The following AP2A2 variants were observed in gnomAD, a reference collection of about 807,000 sequenced individuals.
AP2A2 encodes adaptor related protein complex 2 subunit alpha 2.
AP2A2 carries 32 observed loss-of-function variants against 104.2 expected under a neutral mutation model. The observed-to-expected ratio is 0.31, with a 90% confidence interval of 0.23 to 0.41. The LOEUF (loss-of-function observed/expected upper bound fraction) is 0.41. Ranked by LOEUF, AP2A2 falls within the 10% of genes least tolerant of loss-of-function variation. The pLI is 1.00. For synonymous variants in AP2A2, 539 were observed against 533.3 expected, an observed-to-expected ratio of 1.01 and a Z score of -0.15; for missense variants, 912 against 1,261.0, an observed-to-expected ratio of 0.72 and a Z score of 4.19.
In AP2A2 at chr11:992,999, G is replaced by A. The variant is rs1855712922; in HGVS notation, c.1453-285G>A. On this transcript the variant is annotated intron_variant, in intron 11 of 21. Transcript: ENST00000448903. The surrounding 1 kb of genome is among the most constrained non-coding windows in gnomAD (Gnocchi z 6.4). ...GTCCGTCGGAGAGGGTTAGGCCACC[G>A]GCAAGGGGTGTGCCATGAGGACGCT... is the stretch of plus-strand genomic sequence containing the variant. Among the ~76,000 whole-genome samples, 1 of 152,204 alleles carries A rather than the reference G, an allele frequency of 6.6e-6. No individual in the cohort carries two copies. The highest frequency in any genetic ancestry group is 2.4e-5 in the African/African-American group (1 of 41,444).
Position 992,738 on chromosome 11 carries a change from T to G in AP2A2, c.1452+53T>G. Reference sequence around the variant, plus strand: ...TGGGGTGGAGGGCAGTTGCAGAAGGTGAGCAGTGAGTGGTTCCAGCCTGCC... The same window carrying G: ...TGGGGTGGAGGGCAGTTGCAGAAGGGGAGCAGTGAGTGGTTCCAGCCTGCC... On this transcript the variant is annotated intron_variant, in intron 11 of 21. Transcript: ENST00000448903. The surrounding 1 kb of genome is among the most constrained non-coding windows in gnomAD (Gnocchi z 6.4). 8 of 1,602,220 alleles carry G rather than the reference T, an allele frequency of 5.0e-6. No homozygotes were observed. The highest frequency in any genetic ancestry group is 6.8e-6 in the Non-Finnish European group (8 of 1,171,484).
rs1214578445 is a variant in AP2A2, at chr11:1,011,331, C to T, written c.*706C>T. The T allele has an allele frequency of 3.9e-6, 2 of 518,536 alleles. No individual in the cohort carries two copies. Among genetic ancestry groups the T allele is most frequent in the Non-Finnish European group, 7.7e-6 (2 of 259,742 alleles). 32.1% of individuals were successfully genotyped at this position (518,536 alleles called of 1,614,324 possible). ...GGGGAGGAGCGTCCTGCCGGCCCCGCAGGGCCCCCAGGACTCCAGGGTAAA... is the reference window on the plus strand; with the variant it reads ...GGGGAGGAGCGTCCTGCCGGCCCCGTAGGGCCCCCAGGACTCCAGGGTAAA... On this transcript the variant is annotated 3_prime_UTR_variant, in exon 22 of 22. Coordinates refer to ENST00000448903, the MANE Select transcript of AP2A2 (RefSeq NM_012305.4).
At chr11:974,695 A>AG (rs1363203796) in intron 4 of AP2A2, among the ~76,000 whole-genome samples, 2 of 144,584 alleles carry the variant, frequency 1.4e-5, no homozygotes, top group African/African-American at 5.0e-5. Flanking sequence ...AAAAAAAAAA[A>AG]AAAAAAGAAA....
intron 3 of AP2A2, among the ~76,000 whole-genome samples, chr11:971,701 C>G (rs1260173595): frequency 6.6e-6 from 1 of 152,184 alleles, no homozygotes; most frequent in East Asian, 1.9e-4. Context: ...AGTGAAGGTT[C>G]CTGCCCATCT....
chr11:973,338 A>G (rs115421887), intron 4 of AP2A2, among the ~76,000 whole-genome samples: 4,143 of 152,290 alleles, frequency 0.027, 197 homozygotes, highest in African/African-American at 0.092. Context: ...GATGCTCCAC[A>G]ACAGAGAATG....
chr11:1,007,611 G>A (rs970195914), intron 17 of AP2A2: 1 of 273,032 alleles, frequency 3.7e-6, no homozygotes, highest in South Asian at 3.6e-5. Flanking sequence ...TCCCAGCAGG[G>A]CAGGCTCTTT....
chr11:1,007,642 G>A (rs960195201), intron 17 of AP2A2: 1 of 306,046 alleles, frequency 3.3e-6, no homozygotes, highest in Non-Finnish European at 6.2e-6. Flanking sequence ...GCTGTTTCAG[G>A]AGCCTGCTAT....
At chr11:1,010,144 GTGGCTCTCCCAGCTGTTCCTCTC>G in intron 21 of AP2A2, 1 of 470,100 alleles carries the variant, frequency 2.1e-6, no homozygotes, top group Non-Finnish European at 3.8e-6. Context: ...GCCCTGGGCG[GTGGCTCTCCCAGCTGTTCCTCTC>G]TGTCACCGCG....
rs1386213250 is a variant in AP2A2, at chr11:993,808, C to T, written c.1605C>T (p.Pro535=). 2 of 1,607,512 alleles carry T rather than the reference C, an allele frequency of 1.2e-6. No individual in the cohort carries two copies. Among genetic ancestry groups the T allele is most frequent in the African/African-American group, 1.3e-5 (1 of 74,902 alleles). Residue 535 remains proline (P), a synonymous_variant, in exon 13 of 22, where the codon CCC becomes CCT. Coordinates refer to ENST00000448903, the MANE Select transcript of AP2A2 (RefSeq NM_012305.4). The surrounding 1 kb of genome is among the most constrained non-coding windows in gnomAD (Gnocchi z 8.2). The stretch of plus-strand genomic sequence containing the variant: ...CCAAGTTCCACCTGTGCAGCGTCCC[C>T]ACCCGCGCGCTGCTCCTGTCCACCT... ...LHSKFHLCSV[P]TRALLLSTYI...
chr11:986,665 G>A, intron 8 of AP2A2, 120 bp from the exon 9 acceptor site: 1 of 1,230,066 alleles, frequency 8.1e-7, no homozygotes, highest in Non-Finnish European at 1.1e-6. Flanking sequence ...CAGTGTGGTG[G>A]CGGTGAGTGC....
intron 3 of AP2A2, among the ~76,000 whole-genome samples, chr11:971,634 T>C (rs1854832266): frequency 6.7e-6 from 1 of 149,828 alleles, no homozygotes; most frequent in Non-Finnish European, 1.5e-5. Flanking sequence ...GATTAAAGAG[T>C]GGGAGGGAAC....
chr11:963,351 A>G (rs1040142554), intron 2 of AP2A2, among the ~76,000 whole-genome samples: 3 of 151,900 alleles, frequency 2.0e-5, no homozygotes, highest in Non-Finnish European at 4.4e-5. Context: ...GCTTGAACCT[A>G]GGAGGCAGAG....
intron 2 of AP2A2, among the ~76,000 whole-genome samples, chr11:966,701 G>A (rs1854629621): frequency 6.6e-6 from 1 of 152,176 alleles, no homozygotes; most frequent in Admixed American, 6.5e-5. Context: ...GCCTCATGCA[G>A]GCTGTGTGGG....
chr11:929,044 ATTCT>A lies in AP2A2; in HGVS notation c.67+2958_67+2961del, dbSNP rs530929003. ...CAGAGAAGACCTCACAAGGAAGGTG[ATTCT>A]TGGGCAATTCAGGCAGAAGACCAAG... On this transcript the variant is annotated intron_variant, in intron 1 of 21. Coordinates refer to ENST00000448903, the MANE Select transcript of AP2A2 (RefSeq NM_012305.4). Among the ~76,000 whole-genome samples the A allele has an allele frequency of 5.3e-5, 8 of 152,316 alleles. No individual in the cohort carries two copies. The South Asian group carries it at 1.7e-3, about 32-fold the overall frequency.
chr11:964,920 G>A (rs1854564563), intron 2 of AP2A2, among the ~76,000 whole-genome samples: 1 of 117,950 alleles, frequency 8.5e-6, no homozygotes, highest in African/African-American at 2.9e-5. Flanking sequence ...AGATGGAAGC[G>A]TGGAGGTGGA....
At chr11:963,755 T>C (rs953254520) in intron 2 of AP2A2, among the ~76,000 whole-genome samples, 1 of 152,208 alleles carries the variant, frequency 6.6e-6, no homozygotes, top group Non-Finnish European at 1.5e-5. Context: ...CCCAAGTAAC[T>C]GGGACCACAG....
At position 993,678 on chromosome 11, in the gene AP2A2, G is replaced by GT. The variant is rs1219811063; in HGVS notation, c.1551-75dup. ...GTGCAGGCCAGGGGGTCTCGCCGCC[G>GT]TCCCCCCCCCGCGGGGGCGTGCTGC... On this transcript the variant is annotated intron_variant, in intron 12 of 21. Coordinates refer to ENST00000448903, the MANE Select transcript of AP2A2 (RefSeq NM_012305.4). The surrounding 1 kb of genome is among the most constrained non-coding windows in gnomAD (Gnocchi z 8.2). 2.1e-5 allele frequency: 25 copies of GT among 1,183,726 alleles called. No homozygotes were observed. The highest frequency in any genetic ancestry group is 1.3e-4 in the East Asian group (5 of 38,548). 73.3% of individuals were successfully genotyped at this position (1,183,726 alleles called of 1,614,324 possible). A position where few individuals can be genotyped will look rare whatever the true frequency, so the allele number is the denominator to read the frequency against.
At chr11:971,168 G>A (rs1178602381) in intron 3 of AP2A2, among the ~76,000 whole-genome samples, 1 of 152,196 alleles carries the variant, frequency 6.6e-6, no homozygotes, top group African/African-American at 2.4e-5. Context: ...ACAGGGACTG[G>A]AACTTGGGCC....
At chr11:951,623 A>G (rs1219584504) in intron 1 of AP2A2, among the ~76,000 whole-genome samples, 1 of 152,106 alleles carries the variant, frequency 6.6e-6, no homozygotes, top group African/African-American at 2.4e-5. Context: ...CACACTTCTC[A>G]TCACAGCTCT....
Sources: gnomAD v4.1 joint callset for allele counts (sites outside exome capture counted in the v4.1 genomes callset) on GRCh38, gnomAD v4.1.1 for gene constraint, Gnocchi (gnomAD v3.1) non-coding constraint, MANE v1.5 for transcripts, NCBI Gene and HGNC (gene_info 2026-07-23, HGNC 2026-07-21) for gene names.